Variants in ASH1L observed in about 807,000 individuals in gnomAD.
The protein encoded by ASH1L is histone-lysine N-methyltransferase ASH1L.
A neutral mutation model predicts 269.0 loss-of-function variants in ASH1L; 23 were observed. That is an observed-to-expected ratio of 0.09 (90% CI 0.06 to 0.12). The LOEUF (loss-of-function observed/expected upper bound fraction) is 0.12, where lower values mean the gene tolerates loss of function less well. Among genes scored for constraint, ASH1L ranks in the 10% least tolerant of loss-of-function variants. The probability of loss-of-function intolerance (pLI) is 1.00; values close to 1 mark genes in which losing one functional copy is unlikely to be tolerated. For synonymous variants in ASH1L, 1,187 were observed against 1,253.5 expected (o/e 0.95, Z 1.12); for missense variants, 2,912 against 3,567.8 (o/e 0.82, Z 4.68).
Position 155,481,721 on chromosome 1 carries a change from C to T in ASH1L, c.1149G>A (p.Val383=). The part of the protein sequence containing the change: ...GKKLGSTVGL[V]AKDCAKKIVA... Reference sequence around the variant, plus strand: ...CAATCTTCTTTGCACAGTCCTTGGCCACTAGGCCAACAGTAGAACCCAATT... The same window carrying T: ...CAATCTTCTTTGCACAGTCCTTGGCTACTAGGCCAACAGTAGAACCCAATT... The change falls in exon 3 of 28, where the codon GTG becomes GTA. Residue 383 remains valine (V), a synonymous_variant. Transcript: ENST00000392403. 6.2e-7 allele frequency: 1 copy of T among 1,614,176 alleles called. No individual in the cohort carries two copies. Among genetic ancestry groups the T allele is most frequent in the African/African-American group, 1.3e-5 (1 of 75,060 alleles).
At chr1:155,396,711 C>T (rs1388334764) in intron 6 of ASH1L, among the ~76,000 whole-genome samples, 1 of 151,690 alleles carries the variant, frequency 6.6e-6, no homozygotes, top group African/African-American at 2.4e-5. Flanking sequence ...CGCTTGTAAT[C>T]CCAGCACTTT....
chr1:155,483,291 T>G (rs1052303281), intron 2 of ASH1L, among the ~76,000 whole-genome samples: 1 of 152,206 alleles, frequency 6.6e-6, no homozygotes, highest in Non-Finnish European at 1.5e-5. Flanking sequence ...ATTTATAAAT[T>G]TAATGCAATC....
At chr1:155,467,957 T>C (rs1664812099) in intron 3 of ASH1L, among the ~76,000 whole-genome samples, 1 of 152,142 alleles carries the variant, frequency 6.6e-6, no homozygotes, top group Non-Finnish European at 1.5e-5. Flanking sequence ...TGTTAACATC[T>C]TACATAACTA....
At chr1:155,550,675 T>C (rs1051421168) in intron 1 of ASH1L, among the ~76,000 whole-genome samples, 4 of 152,234 alleles carry the variant, frequency 2.6e-5, no homozygotes, top group African/African-American at 4.8e-5. Flanking sequence ...CCTTACCTTG[T>C]TTATACTTCC....
Position 155,479,336 on chromosome 1 carries a change from T to C in ASH1L, c.3534A>G (p.Thr1178=). ...GGGAAGGAGTAGCTTCTTTTAGAGA[T>C]GTGAGTTCACTCAAGTGCGAAGGAG... ...PNSPSHLSEL[T]SLKEATPSPI... The change falls in exon 3 of 28, where the codon ACA becomes ACG. Residue 1178 remains threonine (T), a synonymous_variant. Transcript: ENST00000392403. The C allele has an allele frequency of 1.2e-6, 2 of 1,614,192 alleles. No individual in the cohort carries two copies. The highest frequency in any genetic ancestry group is 1.7e-6 in the Non-Finnish European group (2 of 1,180,032).
chr1:155,474,583 C>CAG (rs1665383458), intron 3 of ASH1L, among the ~76,000 whole-genome samples: 1 of 152,180 alleles, frequency 6.6e-6, no homozygotes, highest in Non-Finnish European at 1.5e-5. Context: ...CACCTGTAGT[C>CAG]CCAGCTACTC....
chr1:155,491,782 G>A (rs1313960430), intron 2 of ASH1L, among the ~76,000 whole-genome samples: 1 of 151,870 alleles, frequency 6.6e-6, no homozygotes, highest in Non-Finnish European at 1.5e-5. Context: ...CAATTCTTGT[G>A]CCTCAGCCTC....
intron 2 of ASH1L, among the ~76,000 whole-genome samples, chr1:155,484,798 G>A (rs1010759886): frequency 5.3e-5 from 8 of 150,488 alleles, no homozygotes; most frequent in Admixed American, 2.7e-4. Flanking sequence ...ACGTGGTGGC[G>A]GGCGCCTGTA....
Position 155,478,811 on chromosome 1 carries a change from G to T in ASH1L, c.4059C>A (p.Pro1353=), listed in dbSNP as rs1439242793. 6.2e-7 allele frequency: 1 copy of T among 1,613,982 alleles called. No homozygotes were observed. The highest frequency in any genetic ancestry group is 1.3e-5 in the African/African-American group (1 of 74,886). The part of the protein sequence containing the change: ...KPDLKKKRGR[P]PKMREAMAEM... ...CAGCCATTGCCTCCCTCATCTTAGG[G>T]GGTCTCCCTCTTTTCTTTTTTAAGT... Residue 1353 remains proline, a synonymous_variant, in exon 3 of 28, where the codon CCC becomes CCA. Transcript: ENST00000392403. The surrounding 1 kb of genome is among the most constrained non-coding windows in gnomAD (Gnocchi z 4.6).
At chr1:155,556,070 G>C (rs533691481) in intron 1 of ASH1L, among the ~76,000 whole-genome samples, 17 of 152,108 alleles carry the variant, frequency 1.1e-4, no homozygotes, top group Non-Finnish European at 2.4e-4. Flanking sequence ...TTCTATATAT[G>C]TTTGCAATTT....
At chr1:155,516,369 TATATTAA>T (rs1668503098) in intron 2 of ASH1L, among the ~76,000 whole-genome samples, 1 of 152,206 alleles carries the variant, frequency 6.6e-6, no homozygotes, top group African/African-American at 2.4e-5. Flanking sequence ...ACCTGAGGCA[TATATTAA>T]AATACTGAAT....
chr1:155,359,140 A>C (rs1306452142), intron 13 of ASH1L, among the ~76,000 whole-genome samples: 3 of 151,976 alleles, frequency 2.0e-5, no homozygotes, highest in Admixed American at 2.0e-4. Flanking sequence ...AACTTTAAAC[A>C]TTTTAGAGAA....
intron 4 of ASH1L, among the ~76,000 whole-genome samples, chr1:155,454,520 C>T (rs1359401252): frequency 6.6e-6 from 1 of 152,166 alleles, no homozygotes; most frequent in Non-Finnish European, 1.5e-5. Flanking sequence ...GTAATCCCAG[C>T]ACTTTCGGAG....
At chr1:155,533,401 A>G (rs1669823121) in intron 1 of ASH1L, among the ~76,000 whole-genome samples, 1 of 151,992 alleles carries the variant, frequency 6.6e-6, no homozygotes, top group African/African-American at 2.4e-5. Flanking sequence ...CTTAACCACT[A>G]TGCTTTGCTG....
chr1:155,481,463 A>G lies in ASH1L; in HGVS notation c.1407T>C (p.Val469=). The part of the protein sequence containing the change: ...SATSKTFEKN[V]VRQNKESILE... ...ATATGCTTTCTTTATTCTGCCGTACAACATTCTTTTCAAAAGTTTTGCTGG... is the reference window on the plus strand; with the variant it reads ...ATATGCTTTCTTTATTCTGCCGTACGACATTCTTTTCAAAAGTTTTGCTGG... Residue 469 remains valine, a synonymous_variant, in exon 3 of 28, where the codon GTT becomes GTC. Coordinates refer to ENST00000392403, the MANE Select transcript of ASH1L (RefSeq NM_018489.3). The G allele has an allele frequency of 6.2e-7, 1 of 1,614,062 alleles. No homozygotes were observed. The highest frequency in any genetic ancestry group is 8.5e-7 in the Non-Finnish European group (1 of 1,180,000).
At chr1:155,508,571 C>A (rs756938785) in intron 2 of ASH1L, among the ~76,000 whole-genome samples, 5 of 152,110 alleles carry the variant, frequency 3.3e-5, no homozygotes, top group Non-Finnish European at 7.3e-5. Context: ...CCCCAGAAGG[C>A]GGAGATTGCA....
intron 2 of ASH1L, among the ~76,000 whole-genome samples, chr1:155,505,203 C>T (rs1363049173): frequency 6.6e-6 from 1 of 152,192 alleles, no homozygotes; most frequent in Non-Finnish European, 1.5e-5. Context: ...CCCTGTGAGA[C>T]ATCCTAAGTG....
At chr1:155,560,581 TC>T (rs1398824320) in intron 1 of ASH1L, among the ~76,000 whole-genome samples, 1 of 152,004 alleles carries the variant, frequency 6.6e-6, no homozygotes, top group Non-Finnish European at 1.5e-5. Flanking sequence ...TCAAAACAAC[TC>T]CCCTCACGTT....
intron 1 of ASH1L, among the ~76,000 whole-genome samples, chr1:155,542,546 C>A (rs1006289969): frequency 6.6e-6 from 1 of 151,644 alleles, no homozygotes; most frequent in Non-Finnish European, 1.5e-5. Context: ...AAGACTCTGT[C>A]TCAAATAAAT....
Sources: allele counts gnomAD v4.1 joint callset (sites outside exome capture counted in the v4.1 genomes callset), GRCh38; gene constraint gnomAD v4.1.1; non-coding constraint Gnocchi (gnomAD v3.1); transcripts MANE v1.5; gene names NCBI Gene and HGNC (gene_info 2026-07-23, HGNC 2026-07-21).